The following PTK2B variants were observed in gnomAD, a reference collection of about 807,000 sequenced individuals.
PTK2B encodes the protein protein tyrosine kinase 2 beta.
In PTK2B, 71 loss-of-function variants were observed where a neutral mutation model predicts 142.9. The ratio of observed to expected loss-of-function variants is 0.50; its 90% CI spans 0.41 to 0.61. The LOEUF (loss-of-function observed/expected upper bound fraction) is 0.61. Ranked by LOEUF, PTK2B falls within the 20% of genes least tolerant of loss-of-function variation. The pLI is 0.00. For missense variants in PTK2B, 1,105 were observed against 1,320.4 expected (o/e 0.84, Z 2.53); for synonymous variants, 519 against 503.4 (o/e 1.03, Z -0.42).
chr8:27,422,281 T>C (rs1809806487), intron 4 of PTK2B, 23 bp from the exon 5 acceptor site: 1 of 1,609,184 alleles, frequency 6.2e-7, no homozygotes, highest in Non-Finnish European at 8.5e-7. Context: ...GCAAGCCTGA[T>C]GCTTGACCTT....
rs368326233 is a variant in PTK2B, at chr8:27,434,080, C to G, written c.1106-13C>G. The stretch of plus-strand genomic sequence containing the variant: ...CCCCAGCTCCAACCTCCTCCTTCCT[C>G]CTCTCTTCCTAGATGGTGAGAAGCG... On this transcript the variant is annotated splice_polypyrimidine_tract_variant and intron_variant, in intron 11 of 30. Transcript: ENST00000346049. The G allele has an allele frequency of 6.2e-7, 1 of 1,614,044 alleles. No individual in the cohort carries two copies.
intron 5 of PTK2B, among the ~76,000 whole-genome samples, chr8:27,422,760 C>T (rs1336881015): frequency 2.0e-5 from 3 of 152,180 alleles, no homozygotes; most frequent in Non-Finnish European, 4.4e-5. Flanking sequence ...CTGTGTTGCC[C>T]ATTGCTGTAT....
intron 1 of PTK2B, among the ~76,000 whole-genome samples, chr8:27,336,290 C>T (rs74373788): frequency 0.017 from 2,529 of 152,326 alleles, 73 homozygotes; most frequent in African/African-American, 0.057. Context: ...AGATTAAGAA[C>T]ATCTCTCATA....
chr8:27,366,694 G>C (rs988842529), intron 1 of PTK2B, among the ~76,000 whole-genome samples: 1 of 152,206 alleles, frequency 6.6e-6, no homozygotes, highest in Admixed American at 6.5e-5. Flanking sequence ...TTCCCCCCGA[G>C]GGAGGCAGGA....
chr8:27,326,029 G>T (rs1467681861), intron 1 of PTK2B, among the ~76,000 whole-genome samples: 1 of 152,050 alleles, frequency 6.6e-6, no homozygotes, highest in Non-Finnish European at 1.5e-5. Flanking sequence ...TCAGGTTAGG[G>T]AGCCACGGGG....
At chr8:27,412,910 T>A (rs1809156777) in intron 2 of PTK2B, among the ~76,000 whole-genome samples, 1 of 152,212 alleles carries the variant, frequency 6.6e-6, no homozygotes, top group Admixed American at 6.5e-5. Context: ...TGCACGGCCG[T>A]GTCTGGCCTG....
At chr8:27,434,653 C>T in intron 13 of PTK2B, 94 bp downstream of exon 13, 1 of 1,356,152 alleles carries the variant, frequency 7.4e-7, no homozygotes, top group Non-Finnish European at 1.0e-6. Context: ...AGGGTTTCCT[C>T]CAAGTGACAG....
upstream of PTK2B, chr8:27,311,047 G>T (rs895131983): frequency 6.3e-7 from 1 of 1,598,776 alleles, no homozygotes; most frequent in Non-Finnish European, 8.5e-7. Flanking sequence ...CGGGTGACGC[G>T]CGGTCTTTGC....
intron 3 of PTK2B, among the ~76,000 whole-genome samples, chr8:27,316,288 G>T (rs955028399): frequency 6.7e-6 from 1 of 148,342 alleles, no homozygotes; most frequent in Admixed American, 6.7e-5. Context: ...GGAGGAAATT[G>T]CCTTGTTTTT....
At chr8:27,325,966 G>C (rs189471770) in intron 1 of PTK2B, among the ~76,000 whole-genome samples, 1 of 152,136 alleles carries the variant, frequency 6.6e-6, no homozygotes, top group Non-Finnish European at 1.5e-5. Context: ...GGGAGGCTGG[G>C]GGAGGCTAGG....
chr8:27,393,519 C>CTGCAT (rs1255095210), intron 1 of PTK2B, among the ~76,000 whole-genome samples: 1 of 152,036 alleles, frequency 6.6e-6, no homozygotes, highest in East Asian at 1.9e-4. Flanking sequence ...TCTGGGTGGG[C>CTGCAT]TGCATTGGGT....
chr8:27,411,384 T>A (rs1374829770), intron 2 of PTK2B, among the ~76,000 whole-genome samples: 3 of 152,194 alleles, frequency 2.0e-5, no homozygotes, highest in African/African-American at 7.2e-5. Flanking sequence ...GCCACCCCCC[T>A]GAATTCACAC....
chr8:27,420,883 G>A, intron 4 of PTK2B, 139 bp downstream of exon 4: 1 of 768,136 alleles, frequency 1.3e-6, no homozygotes, highest in South Asian at 1.8e-5. Flanking sequence ...TCTTGAAGAA[G>A]GTCCTTGGTC....
At chr8:27,451,659 G>C (rs955531365) in intron 27 of PTK2B, 150 bp downstream of exon 27, 1 of 1,495,588 alleles carries the variant, frequency 6.7e-7, no homozygotes, top group East Asian at 2.5e-5. Context: ...ATGTGGGGCA[G>C]GCCAGCTTCC....
chr8:27,443,005 T>A lies in PTK2B; in HGVS notation c.2148+22T>A, dbSNP rs768117023. The A allele has an allele frequency of 5.0e-6, 8 of 1,590,274 alleles. No individual in the cohort carries two copies. In the East Asian group the frequency reaches 1.8e-4, roughly 36 times the overall value. On this transcript the variant is annotated intron_variant, in intron 22 of 30. Coordinates refer to ENST00000346049, the MANE Select transcript of PTK2B (RefSeq NM_173176.3). ...CAAGGTAAGCCAAGCCATGGCCTCA[T>A]AAGTCCTGTGAGTCAAAGCAAAGCC...
At chr8:27,401,618 G>A (rs1808391198) in intron 2 of PTK2B, among the ~76,000 whole-genome samples, 1 of 152,226 alleles carries the variant, frequency 6.6e-6, no homozygotes, top group Non-Finnish European at 1.5e-5. Context: ...TAGCGGGTTT[G>A]AGACTAAGAA....
intron 2 of PTK2B, among the ~76,000 whole-genome samples, chr8:27,411,266 A>G (rs1004066972): frequency 7.2e-5 from 11 of 152,158 alleles, no homozygotes; most frequent in Non-Finnish European, 1.6e-4. Flanking sequence ...TACATATTAG[A>G]ATGATAAAGA....
At chr8:27,439,183 A>G (rs1233534812) in intron 19 of PTK2B, 52 bp downstream of exon 19, 1 of 1,579,666 alleles carries the variant, frequency 6.3e-7, no homozygotes, top group Non-Finnish European at 8.7e-7. Context: ...CGCTGAAGCC[A>G]AAAATTCCAG....
In PTK2B at chr8:27,454,593, GTCA is replaced by G; in HGVS notation, c.2799_2801del (p.Ser935del). 1 of 1,614,096 alleles carries G rather than the reference GTCA, an allele frequency of 6.2e-7. No homozygotes were observed. Among genetic ancestry groups the G allele is most frequent in the Non-Finnish European group, 8.5e-7 (1 of 1,179,972 alleles). ...TGGATGATCTCCTGCCTTCCTTGCC[GTCA>G]TCTTCACGGACAGAGGTGAGCGTCC... On this transcript the variant is annotated inframe_deletion, in exon 30 of 31. Transcript: ENST00000346049.
Sources: gnomAD v4.1 joint callset for allele counts (sites outside exome capture counted in the v4.1 genomes callset) on GRCh38, gnomAD v4.1.1 for gene constraint, MANE v1.5 for transcripts, NCBI Gene and HGNC (gene_info 2026-07-23, HGNC 2026-07-21) for gene names.